The following CHRM3 variants were observed in gnomAD, a reference collection of about 807,000 sequenced individuals.
CHRM3 encodes cholinergic receptor muscarinic 3.
Under a neutral mutation model 41.8 loss-of-function variants are expected in CHRM3, and 11 were observed. The ratio of observed to expected loss-of-function variants is 0.26; its 90% CI spans 0.17 to 0.44. The LOEUF is 0.44. Among genes scored for constraint, CHRM3 ranks in the 20% least tolerant of loss-of-function variants. The pLI, the probability that CHRM3 is intolerant of heterozygous loss-of-function variation, is 1.00. For missense variants in CHRM3, 571 were observed against 745.4 expected (o/e 0.77, Z 2.72); for synonymous variants, 297 against 301.4 (o/e 0.99, Z 0.15).
intron 5 of CHRM3, among the ~76,000 whole-genome samples, chr1:239,822,988 G>C (rs1672172420): frequency 6.6e-6 from 1 of 152,052 alleles, no homozygotes; most frequent in Non-Finnish European, 1.5e-5. Context: ...GGTCTTCAAA[G>C]AAAGAAAGAA....
At chr1:239,675,537 C>T (rs967352914) in intron 4 of CHRM3, among the ~76,000 whole-genome samples, 1 of 152,132 alleles carries the variant, frequency 6.6e-6, no homozygotes, top group African/African-American at 2.4e-5. Flanking sequence ...TGTCTGTTTT[C>T]TAGGCATTAT....
intron 3 of CHRM3, among the ~76,000 whole-genome samples, chr1:239,621,124 T>A (rs1668313383): frequency 6.6e-6 from 1 of 152,168 alleles, no homozygotes. Flanking sequence ...TATGACATGG[T>A]GATCTGGAAT....
At chr1:239,608,224 A>T (rs1157211252) in intron 3 of CHRM3, among the ~76,000 whole-genome samples, 1 of 152,172 alleles carries the variant, frequency 6.6e-6, no homozygotes, top group Non-Finnish European at 1.5e-5. Flanking sequence ...AGTTATAAAT[A>T]AAATTCCTTT....
At chr1:239,757,213 C>T (rs1572193876) in intron 5 of CHRM3, among the ~76,000 whole-genome samples, 1 of 152,154 alleles carries the variant, frequency 6.6e-6, no homozygotes, top group East Asian at 1.9e-4. Flanking sequence ...TAATATTTAT[C>T]CCAAACTTCA....
chr1:239,855,556 C>CT (rs538365587), intron 6 of CHRM3, among the ~76,000 whole-genome samples: 5 of 151,482 alleles, frequency 3.3e-5, no homozygotes, highest in African/African-American at 9.7e-5. Flanking sequence ...TACTAACAGA[C>CT]TTTTTTTTTC....
At chr1:239,764,320 T>C (rs1667034221) in intron 5 of CHRM3, among the ~76,000 whole-genome samples, 1 of 152,138 alleles carries the variant, frequency 6.6e-6, no homozygotes, top group Non-Finnish European at 1.5e-5. Context: ...TTGACACTAG[T>C]TCGAAGAATT....
chr1:239,879,558 A>G (rs1364760301), intron 6 of CHRM3, among the ~76,000 whole-genome samples: 1 of 152,234 alleles, frequency 6.6e-6, no homozygotes, highest in Non-Finnish European at 1.5e-5. Context: ...GCCATGAATC[A>G]TCAAATTGAA....
intron 6 of CHRM3, among the ~76,000 whole-genome samples, chr1:239,832,123 G>A (rs1672941397): frequency 1.3e-5 from 2 of 152,186 alleles, no homozygotes; most frequent in Admixed American, 1.3e-4. Context: ...AATCACTTGA[G>A]AGGAAGCAGC....
chr1:239,674,498 A>T (rs952950632), intron 4 of CHRM3, among the ~76,000 whole-genome samples: 1 of 152,014 alleles, frequency 6.6e-6, no homozygotes, highest in African/African-American at 2.4e-5. Flanking sequence ...TCACGAGGTC[A>T]TGAGATCGAG....
chr1:239,785,157 A>G (rs1053499681), intron 5 of CHRM3, among the ~76,000 whole-genome samples: 2 of 152,104 alleles, frequency 1.3e-5, no homozygotes, highest in African/African-American at 4.8e-5. Context: ...CTTGGCATAA[A>G]TAGGACCAGG....
chr1:239,532,722 G>T (rs1216526621), intron 2 of CHRM3, among the ~76,000 whole-genome samples: 1 of 151,274 alleles, frequency 6.6e-6, no homozygotes, highest in African/African-American at 2.4e-5. Flanking sequence ...ACTAGATTAA[G>T]TATGATAGTA....
At chr1:239,609,804 GA>G (rs1259018238) in intron 3 of CHRM3, among the ~76,000 whole-genome samples, 1 of 152,074 alleles carries the variant, frequency 6.6e-6, no homozygotes, top group Non-Finnish European at 1.5e-5. Context: ...AGTGGCTGTT[GA>G]AATCTTTTGT....
At chr1:239,526,609 T>C (rs1670010959) in intron 2 of CHRM3, among the ~76,000 whole-genome samples, 1 of 152,184 alleles carries the variant, frequency 6.6e-6, no homozygotes, top group Non-Finnish European at 1.5e-5. Context: ...TTCTTTTGCT[T>C]CTATTAAGTG....
At chr1:239,855,787 C>T (rs937816369) in intron 6 of CHRM3, among the ~76,000 whole-genome samples, 3 of 152,128 alleles carry the variant, frequency 2.0e-5, no homozygotes, top group African/African-American at 7.2e-5. Flanking sequence ...CTTTTAGAGT[C>T]AATAATTTAC....
At chr1:239,899,464 GTA>G (rs955424991) in intron 6 of CHRM3, among the ~76,000 whole-genome samples, 9 of 140,474 alleles carry the variant, frequency 6.4e-5, no homozygotes, top group Admixed American at 2.1e-4. Flanking sequence ...ATATACATAC[GTA>G]TATATGTGTG....
rs149681039 is a variant in CHRM3 at position 239,448,930 on chromosome 1, C to T, written c.-520-43779C>T. ...GAGGACTTTTCTAGTTTTAGAATAC[C>T]GTGGTCTGAAAATCTTTAGTATCAA... On this transcript the variant is annotated intron_variant, in intron 1 of 6. Coordinates refer to ENST00000676153, the MANE Select transcript of CHRM3 (RefSeq NM_001375978.1). Among the ~76,000 whole-genome samples the T allele has an allele frequency of 1.1e-3, 173 of 152,146 alleles. 2 individuals are homozygous for T. In the South Asian group the frequency reaches 0.014, roughly 12 times the overall value.
At chr1:239,592,433 C>T (rs1189064976) in intron 3 of CHRM3, among the ~76,000 whole-genome samples, 2 of 152,068 alleles carry the variant, frequency 1.3e-5, no homozygotes, top group South Asian at 2.1e-4. Context: ...TGTTAATAGC[C>T]ATGTCATTCT....
intron 6 of CHRM3, among the ~76,000 whole-genome samples, chr1:239,890,865 T>TCTA (rs1382546581): frequency 1.3e-5 from 2 of 152,180 alleles, no homozygotes; most frequent in East Asian, 3.9e-4. Flanking sequence ...ACATAGTAAT[T>TCTA]CTATAAAGTG....
chr1:239,751,839 T>C (rs1310031502), intron 5 of CHRM3, among the ~76,000 whole-genome samples: 3 of 152,170 alleles, frequency 2.0e-5, no homozygotes, highest in East Asian at 3.9e-4. Context: ...TAATATTGGG[T>C]ATAATACAAA....
Sources: gnomAD v4.1 joint callset for allele counts (sites outside exome capture counted in the v4.1 genomes callset) on GRCh38, gnomAD v4.1.1 for gene constraint, MANE v1.5 for transcripts, NCBI Gene and HGNC (gene_info 2026-07-23, HGNC 2026-07-21) for gene names.